VWA3A: variants seen among roughly 807,000 people sequenced by gnomAD.
VWA3A encodes von Willebrand factor A domain containing 3A.
A neutral mutation model predicts 160.4 loss-of-function variants in VWA3A; 134 were observed. That is an observed-to-expected ratio of 0.84 (90% confidence interval 0.73 to 0.96). The LOEUF is 0.96. Among genes scored for constraint, VWA3A ranks in the 40% least tolerant of loss-of-function variants. The probability of loss-of-function intolerance (pLI) is 0.00; values close to 1 mark genes in which losing one functional copy is unlikely to be tolerated. For missense variants in VWA3A, 1,310 were observed against 1,447.9 expected, an observed-to-expected ratio of 0.90 and a Z score of 1.55; for synonymous variants, 476 against 543.4, an observed-to-expected ratio of 0.88 and a Z score of 1.72.
intron 25 of VWA3A, among the ~76,000 whole-genome samples, chr16:22,143,731 T>C (rs2046194998): frequency 7.0e-6 from 1 of 142,032 alleles, no homozygotes; most frequent in Admixed American, 6.9e-5. Context: ...CCCCCACTAT[T>C]TCTTTCTTTC....
At chr16:22,122,039 A>G (rs994916982) in intron 14 of VWA3A, among the ~76,000 whole-genome samples, 6 of 152,202 alleles carry the variant, frequency 3.9e-5, no homozygotes, top group African/African-American at 1.2e-4. Context: ...CATGTTTAGT[A>G]TAAGTAGGAA....
In VWA3A at chr16:22,118,912, G is replaced by A; in HGVS notation, c.1001G>A (p.Ser334Asn). ...CYSPKMEHYT[S>N]RDMDELLAEI... ...TCTTGCCACCCTCAGCACTACACCA[G>A]CCGGGACATGGATGAGCTCCTGGCA... Residue 334 changes from serine to asparagine, a missense_variant, in exon 12 of 34, where the codon AGC (serine) becomes AAC (asparagine). Physicochemically the swap from Ser to Asn is conservative, Grantham distance 46 (BLOSUM62 1). Coordinates refer to ENST00000389398, the MANE Select transcript of VWA3A (RefSeq NM_173615.5). The A allele has an allele frequency of 6.2e-7, 1 of 1,613,870 alleles. No homozygotes were observed. Among genetic ancestry groups the A allele is most frequent in the Non-Finnish European group, 8.5e-7 (1 of 1,179,846 alleles).
chr16:22,111,997 T>A (rs997778529), intron 8 of VWA3A, among the ~76,000 whole-genome samples: 3 of 152,194 alleles, frequency 2.0e-5, no homozygotes. Flanking sequence ...AATTTTCACA[T>A]AAATAGGACC....
intron 23 of VWA3A, among the ~76,000 whole-genome samples, chr16:22,140,801 G>A (rs923664218): frequency 1.3e-5 from 2 of 151,200 alleles, no homozygotes; most frequent in African/African-American, 4.9e-5. Flanking sequence ...TAGTAGAGAC[G>A]GGGTTTCACC....
chr16:22,142,406 T>C (rs530344452), intron 24 of VWA3A, among the ~76,000 whole-genome samples: 2 of 152,228 alleles, frequency 1.3e-5, no homozygotes, highest in Non-Finnish European at 1.5e-5. Flanking sequence ...AGAGATCACA[T>C]GGAGAGAGAG....
intron 14 of VWA3A, 52 bp downstream of exon 14, chr16:22,121,669 G>T: frequency 7.0e-7 from 1 of 1,420,136 alleles, no homozygotes; most frequent in South Asian, 1.2e-5. Context: ...GCTCCCTTGT[G>T]GCTTTTCCTA....
At chr16:22,144,102 G>A (rs2046203727) in intron 25 of VWA3A, 145 bp from the exon 26 acceptor site, 4 of 1,027,818 alleles carry the variant, frequency 3.9e-6, no homozygotes, top group South Asian at 3.6e-5. Flanking sequence ...GAATCTGCAT[G>A]GGATGGATGC....
intron 5 of VWA3A, among the ~76,000 whole-genome samples, chr16:22,103,052 G>A (rs1012386476): frequency 1.3e-5 from 2 of 152,144 alleles, no homozygotes; most frequent in African/African-American, 2.4e-5. Context: ...AGTATCTTCA[G>A]TTTTGTCTTT....
chr16:22,115,496 T>A (rs2045616391), intron 9 of VWA3A, 24 bp downstream of exon 9: 1 of 1,583,622 alleles, frequency 6.3e-7, no homozygotes, highest in South Asian at 1.2e-5. Flanking sequence ...CCTAAGCAGG[T>A]GACATACTAC....
At chr16:22,137,166 AACTGAT>A (rs2046060798) in intron 21 of VWA3A, among the ~76,000 whole-genome samples, 1 of 152,166 alleles carries the variant, frequency 6.6e-6, no homozygotes, top group Non-Finnish European at 1.5e-5. Flanking sequence ...TCATCAGATA[AACTGAT>A]ACATATGGTG....
chr16:22,104,532 G>A (rs1284343481), intron 6 of VWA3A, among the ~76,000 whole-genome samples: 1 of 151,868 alleles, frequency 6.6e-6, no homozygotes, highest in Non-Finnish European at 1.5e-5. Flanking sequence ...TTTGATTAAG[G>A]GCTAGGCATA....
At chr16:22,117,003 T>G in intron 10 of VWA3A, 108 bp from the exon 11 acceptor site, 1 of 1,443,266 alleles carries the variant, frequency 6.9e-7, no homozygotes, top group South Asian at 1.2e-5. Context: ...GGTTCTCCCT[T>G]TGGTAAAATG....
At chr16:22,102,290 G>A (rs897174835) in intron 5 of VWA3A, among the ~76,000 whole-genome samples, 45 of 152,136 alleles carry the variant, frequency 3.0e-4, no homozygotes, top group African/African-American at 1.1e-3. Flanking sequence ...GGTTGAAGCT[G>A]CAGTGAGCCA....
intron 24 of VWA3A, 120 bp downstream of exon 24, chr16:22,141,812 T>TA: frequency 1.3e-6 from 1 of 778,130 alleles, no homozygotes; most frequent in Non-Finnish European, 2.0e-6. Flanking sequence ...CACTGGTGCC[T>TA]CTGGAGCAAG....
rs549118936 is a variant in VWA3A, at chr16:22,156,192, G to A, written c.*175G>A. On this transcript the variant is annotated 3_prime_UTR_variant, in exon 34 of 34. Transcript: ENST00000389398. ...GTCTTTTGTGTGAGGGGCCATTCCC[G>A]GGTCTTAATCTAACTCTCCAGCCCT... is the stretch of plus-strand genomic sequence containing the variant. 1.3e-4 allele frequency: 60 copies of A among 463,990 alleles called. No individual in the cohort carries two copies. In the South Asian group the frequency reaches 1.4e-3, roughly 10 times the overall value. The allele number at this position is 463,990 out of a possible 1,614,324, so 28.7% of individuals were successfully genotyped here.
intron 31 of VWA3A, 83 bp downstream of exon 31, chr16:22,152,717 C>T (rs1218786470): frequency 9.8e-6 from 15 of 1,523,938 alleles, no homozygotes; most frequent in African/African-American, 2.8e-5. Flanking sequence ...CCTTCTTGAA[C>T]TCCTGGGCTC....
rs911071065 is a variant in VWA3A, at chr16:22,109,340, C to A, written c.484-142C>A. 7.3e-6 allele frequency: 5 copies of A among 680,376 alleles called. 1 individual carries two copies. Among genetic ancestry groups the A allele is most frequent in the Admixed American group, 5.0e-5 (2 of 40,360 alleles). The allele number at this position is 680,376 out of a possible 1,614,324, so 42.1% of individuals were successfully genotyped here. A position where few individuals can be genotyped will look rare whatever the true frequency, so the allele number is the denominator to read the frequency against. ...AGTCATGACATTGGGTTTTGCTTTT[C>A]CCTTATAAAATGAGGTTTCCATCTG... is the stretch of plus-strand genomic sequence containing the variant. On this transcript the variant is annotated intron_variant, in intron 6 of 33. Transcript: ENST00000389398.
Position 22,123,151 on chromosome 16 carries a change from C to T in VWA3A, c.1423C>T (p.Leu475Phe). Reference sequence around the variant, plus strand: ...GAACATTCATGTGGACCCACCCTTCCTCTATAAGTACCAGGTCAGTGATGG... The same window carrying T: ...GAACATTCATGTGGACCCACCCTTCTTCTATAAGTACCAGGTCAGTGATGG... ...VKNIHVDPPFLYKYQQQLSRA... is the reference protein window; with the variant it reads ...VKNIHVDPPFFYKYQQQLSRA... Residue 475 changes from leucine (L) to phenylalanine (F), a missense_variant, in exon 15 of 34, where the codon CTC (leucine) becomes TTC (phenylalanine). By Grantham distance (22) the Leu-to-Phe change is conservative. Coordinates refer to ENST00000389398, the MANE Select transcript of VWA3A (RefSeq NM_173615.5). The T allele has an allele frequency of 6.2e-7, 1 of 1,603,592 alleles. No individual in the cohort carries two copies. Among genetic ancestry groups the T allele is most frequent in the Non-Finnish European group, 8.5e-7 (1 of 1,174,882 alleles).
chr16:22,104,921 C>T (rs2045459687), intron 6 of VWA3A, among the ~76,000 whole-genome samples: 1 of 151,960 alleles, frequency 6.6e-6, no homozygotes, highest in South Asian at 2.1e-4. Flanking sequence ...CCCACCTCTA[C>T]CCAGATGCAG....
Sources: gnomAD v4.1 joint callset for allele counts (sites outside exome capture counted in the v4.1 genomes callset) on GRCh38, gnomAD v4.1.1 for gene constraint, MANE v1.5 for transcripts, NCBI Gene and HGNC (gene_info 2026-07-23, HGNC 2026-07-21) for gene names.